The following FGF13 variants were observed in gnomAD, a reference collection of about 807,000 sequenced individuals.
The protein encoded by FGF13 is fibroblast growth factor 13.
Under a neutral mutation model 19.5 loss-of-function variants are expected in FGF13, and 2 were observed. The ratio of observed to expected loss-of-function variants is 0.10; its 90% CI spans 0.04 to 0.32. FGF13 has a LOEUF of 0.32. Among genes scored for constraint, FGF13 ranks in the 10% least tolerant of loss-of-function variants. The probability of loss-of-function intolerance (pLI) is 1.00; values close to 1 mark genes in which losing one functional copy is unlikely to be tolerated. For missense variants in FGF13, 113 were observed against 192.7 expected (o/e 0.59, Z 2.45); for synonymous variants, 72 against 76.9 (o/e 0.94, Z 0.33).
At position 138,620,579 on chromosome X, in the gene FGF13, A is replaced by C. The variant is rs959930024; in HGVS notation, c.*12271T>G. The C allele has an allele frequency of 1.2e-4, 13 of 112,107 alleles. No individual in the cohort carries two copies. The highest frequency in any genetic ancestry group is 8.6e-4 in the Admixed American group (9 of 10,502). 9.2% of individuals were successfully genotyped at this position (112,107 alleles called of 1,213,427 possible). On this transcript the variant is annotated 3_prime_UTR_variant, in exon 5 of 5. Transcript: ENST00000315930. ...AAGAGAGGAAGAAAGAAACAAAAAAACTTACAAAACAGCTGAAAAACATTT... is the reference window on the plus strand; with the variant it reads ...AAGAGAGGAAGAAAGAAACAAAAAACCTTACAAAACAGCTGAAAAACATTT...
At chrX:138,836,017 G>A (rs2091110594) in intron 3 of FGF13, among the ~76,000 whole-genome samples, 1 of 111,114 alleles carries the variant, frequency 9.0e-6, no homozygotes, top group Non-Finnish European at 1.9e-5. Context: ...GGCCCCCAAT[G>A]TCTTCTAGCT....
chrX:138,701,565 G>C (rs2089946352), intron 3 of FGF13, among the ~76,000 whole-genome samples: 1 of 112,437 alleles, frequency 8.9e-6, no homozygotes, highest in African/African-American at 3.2e-5. Context: ...GAAATTGCCT[G>C]ATAGGAAAAC....
chrX:138,980,202 A>G (rs2091957656), intron 1 of FGF13, among the ~76,000 whole-genome samples: 1 of 111,476 alleles, frequency 9.0e-6, no homozygotes, highest in Non-Finnish European at 1.9e-5. Flanking sequence ...TCACCAAAAT[A>G]GATATTCTGA....
At chrX:138,691,725 G>A (rs1411945983) in intron 3 of FGF13, among the ~76,000 whole-genome samples, 2 of 111,465 alleles carry the variant, frequency 1.8e-5, no homozygotes, top group Non-Finnish European at 3.8e-5. Context: ...ATACACATCT[G>A]AGGCCCTTTT....
intron 1 of FGF13, among the ~76,000 whole-genome samples, chrX:139,063,671 T>C (rs773190652): frequency 8.0e-5 from 9 of 112,052 alleles, no homozygotes; most frequent in Non-Finnish European, 1.3e-4. Context: ...TAGTTTATAG[T>C]TGTGGATTTC....
chrX:138,790,067 A>AAC (rs2090730116), intron 3 of FGF13, among the ~76,000 whole-genome samples: 1 of 94,924 alleles, frequency 1.1e-5, no homozygotes, highest in Non-Finnish European at 2.1e-5. Context: ...AAAAAAAAAA[A>AAC]AAACAAACAC....
At chrX:139,008,831 AT>A (rs1346723178) in intron 1 of FGF13, among the ~76,000 whole-genome samples, 1 of 112,171 alleles carries the variant, frequency 8.9e-6, no homozygotes. Flanking sequence ...CTAACCAGCA[AT>A]GAACCCAAGC....
At chrX:138,859,331 A>T (rs1450766187) in intron 2 of FGF13, among the ~76,000 whole-genome samples, 2 of 112,142 alleles carry the variant, frequency 1.8e-5, no homozygotes, top group Non-Finnish European at 3.8e-5. Context: ...AAAACTCCCC[A>T]AATTGGAACT....
intron 3 of FGF13, among the ~76,000 whole-genome samples, chrX:138,767,973 A>G (rs147997327): frequency 0.016 from 1,785 of 112,301 alleles, 25 homozygotes; most frequent in African/African-American, 0.054. Context: ...GGCCAATGAA[A>G]CTTTGTCAGT....
chrX:138,894,268 C>T (rs946563192), intron 1 of FGF13, among the ~76,000 whole-genome samples: 4 of 110,265 alleles, frequency 3.6e-5, no homozygotes, highest in African/African-American at 9.9e-5. Flanking sequence ...AGAGCAAACA[C>T]ATTCAAAAGC....
chrX:138,947,484 CTGAT>C (rs1166057646), intron 1 of FGF13, among the ~76,000 whole-genome samples: 1 of 106,957 alleles, frequency 9.3e-6, no homozygotes, highest in African/African-American at 3.6e-5. Context: ...TTTTTGCTAA[CTGAT>C]TGTGAAGAAA....
rs181544311 is a variant in FGF13 at position 138,952,199 on chromosome X, A to C, written c.-112-87549T>G. Among the ~76,000 whole-genome samples the C allele has an allele frequency of 2.9e-3, 324 of 111,818 alleles. 2 individuals are homozygous for C. Among genetic ancestry groups the C allele is most frequent in the African/African-American group, 0.01 (309 of 30,777 alleles). On this transcript the variant is annotated intron_variant, in intron 1 of 2. Transcript: ENST00000421460. ...ACTATACTACAGGGCTACAGCAACCAAAACAGCATGGTACTGGTACCAAAA... is the reference window on the plus strand; with the variant it reads ...ACTATACTACAGGGCTACAGCAACCCAAACAGCATGGTACTGGTACCAAAA...
intron 3 of FGF13, among the ~76,000 whole-genome samples, chrX:138,702,195 A>AAATT (rs889253415): frequency 5.7e-5 from 6 of 105,201 alleles, no homozygotes; most frequent in African/African-American, 1.4e-4. Context: ...ATAAATAAAT[A>AAATT]AATTAATTAA....
intron 1 of FGF13, among the ~76,000 whole-genome samples, chrX:139,000,696 A>G (rs749452185): frequency 4.6e-4 from 52 of 112,045 alleles, no homozygotes; most frequent in African/African-American, 1.5e-3. Flanking sequence ...GGCACAAATA[A>G]ATGGAACAAC....
intron 1 of FGF13, among the ~76,000 whole-genome samples, chrX:138,898,017 G>A (rs1216623796): frequency 9.0e-6 from 1 of 111,459 alleles, no homozygotes; most frequent in Non-Finnish European, 1.9e-5. Context: ...CATGTACAAA[G>A]CTTAGACAGA....
chrX:139,085,267 C>T (rs756227370), intron 1 of FGF13, among the ~76,000 whole-genome samples: 1 of 111,953 alleles, frequency 8.9e-6, no homozygotes, highest in Non-Finnish European at 1.9e-5. Flanking sequence ...ACCCAAAAGA[C>T]CAAAGTAAAA....
At chrX:138,637,562 G>T (rs2089198577) in intron 3 of FGF13, among the ~76,000 whole-genome samples, 1 of 112,382 alleles carries the variant, frequency 8.9e-6, no homozygotes, top group South Asian at 3.7e-4. Context: ...AAAATGGGCT[G>T]CATTTAATGT....
At chrX:138,771,091 C>T (rs1449323732) in intron 3 of FGF13, among the ~76,000 whole-genome samples, 1 of 111,546 alleles carries the variant, frequency 9.0e-6, no homozygotes, top group African/African-American at 3.3e-5. Context: ...CTTTTTCAGA[C>T]TCTGAAATAC....
intron 1 of FGF13, among the ~76,000 whole-genome samples, chrX:138,974,778 C>T (rs1393081691): frequency 2.7e-5 from 3 of 112,630 alleles, no homozygotes; most frequent in Non-Finnish European, 3.7e-5. Flanking sequence ...GTAAAGGAGA[C>T]TGTGAGAATT....
Sources: allele counts gnomAD v4.1 joint callset (sites outside exome capture counted in the v4.1 genomes callset), GRCh38; gene constraint gnomAD v4.1.1; transcripts MANE v1.5; gene names NCBI Gene and HGNC (gene_info 2026-07-23, HGNC 2026-07-21).